RBFOX1: variants seen among roughly 807,000 people sequenced by gnomAD.
The protein encoded by RBFOX1 is RNA binding fox-1 homolog 1, also known as RNA binding protein fox-1 homolog 1.
In RBFOX1, 8 loss-of-function variants were observed where a neutral mutation model predicts 57.7. The observed-to-expected ratio is 0.14, with a 90% confidence interval of 0.08 to 0.25. The LOEUF (loss-of-function observed/expected upper bound fraction) is 0.25. Ranked by LOEUF, RBFOX1 falls within the 10% of genes least tolerant of loss-of-function variation. The pLI is 1.00. For synonymous variants in RBFOX1, 326 were observed against 222.4 expected, an observed-to-expected ratio of 1.47 and a Z score of -4.15; for missense variants, 611 against 548.5, an observed-to-expected ratio of 1.11 and a Z score of -1.14.
intron 3 of RBFOX1, among the ~76,000 whole-genome samples, chr16:7,029,908 C>T (rs139288347): frequency 6.6e-6 from 1 of 152,154 alleles, no homozygotes; most frequent in Non-Finnish European, 1.5e-5. Flanking sequence ...AATGCCATTT[C>T]TTCTCACTAG....
At chr16:5,569,637 A>G (rs2046210891) in intron 2 of RBFOX1, among the ~76,000 whole-genome samples, 1 of 151,744 alleles carries the variant, frequency 6.6e-6, no homozygotes, top group Non-Finnish European at 1.5e-5. Context: ...CCTAAAGTCA[A>G]TTAGATGGTG....
intron 1 of RBFOX1, among the ~76,000 whole-genome samples, chr16:6,204,657 T>A (rs567808526): frequency 6.6e-6 from 1 of 152,282 alleles, no homozygotes; most frequent in South Asian, 2.1e-4. Flanking sequence ...GTCCTTAAAA[T>A]GAGCCATTTA....
At chr16:6,571,904 GATTA>G (rs60244769) in intron 2 of RBFOX1, among the ~76,000 whole-genome samples, 6,762 of 152,186 alleles carry the variant, frequency 0.044, 500 homozygotes, top group African/African-American at 0.15. Flanking sequence ...GGTAACATTT[GATTA>G]ATTACTTTTA....
intron 2 of RBFOX1, among the ~76,000 whole-genome samples, chr16:6,615,599 A>C (rs958834268): frequency 1.3e-5 from 2 of 152,190 alleles, no homozygotes; most frequent in African/African-American, 4.8e-5. Flanking sequence ...TGTCCCAATA[A>C]ATATGGCCAC....
chr16:5,957,127 C>T (rs534038442), intron 4 of RBFOX1, among the ~76,000 whole-genome samples: 2 of 152,322 alleles, frequency 1.3e-5, no homozygotes, highest in South Asian at 2.1e-4. Context: ...TTTACCAGCA[C>T]ACTGTTGGAC....
chr16:6,583,395 A>G (rs1043525812), intron 2 of RBFOX1, among the ~76,000 whole-genome samples: 7 of 152,224 alleles, frequency 4.6e-5, no homozygotes, highest in African/African-American at 1.2e-4. Flanking sequence ...ATACCAGCCA[A>G]TCAACAAATG....
In RBFOX1 at chr16:6,026,132, T is replaced by C. The variant is rs76279160; in HGVS notation, c.-127+6140T>C. Among the ~76,000 whole-genome samples, 32 of 152,296 alleles carry C rather than the reference T, an allele frequency of 2.1e-4. No homozygotes were observed. In the East Asian group the frequency reaches 5.2e-3, roughly 25 times the overall value. ...CTGTTTGCCTGTGTCGATTCTCGTTTTTTACAGCCATCCCAGGGGCATCTT... is the reference window on the plus strand; with the variant it reads ...CTGTTTGCCTGTGTCGATTCTCGTTCTTTACAGCCATCCCAGGGGCATCTT... On this transcript the variant is annotated intron_variant, in intron 1 of 15. Coordinates refer to ENST00000550418, the MANE Select transcript of RBFOX1 (RefSeq NM_018723.4).
chr16:6,136,591 A>G (rs2096669130), intron 1 of RBFOX1, among the ~76,000 whole-genome samples: 1 of 152,206 alleles, frequency 6.6e-6, no homozygotes, highest in Non-Finnish European at 1.5e-5. Flanking sequence ...GTCTAAACTA[A>G]TTTAATGTAA....
intron 3 of RBFOX1, among the ~76,000 whole-genome samples, chr16:6,708,422 A>G (rs1053678193): frequency 6.6e-6 from 1 of 152,104 alleles, no homozygotes; most frequent in African/African-American, 2.4e-5. Context: ...AAATTATAGG[A>G]TTTTGTACCT....
intron 3 of RBFOX1, among the ~76,000 whole-genome samples, chr16:7,024,618 C>T (rs1350267340): frequency 1.3e-5 from 2 of 152,180 alleles, no homozygotes; most frequent in African/African-American, 2.4e-5. Context: ...CGCCACTCCC[C>T]TGCCACCATC....
At chr16:6,627,546 C>T (rs995513898) in intron 2 of RBFOX1, among the ~76,000 whole-genome samples, 1 of 152,074 alleles carries the variant, frequency 6.6e-6, no homozygotes, top group African/African-American at 2.4e-5. Context: ...CTCTAGGTCT[C>T]AAAGGAGGAA....
At chr16:6,812,231 A>G (rs1455605160) in intron 3 of RBFOX1, among the ~76,000 whole-genome samples, 1 of 152,188 alleles carries the variant, frequency 6.6e-6, no homozygotes, top group Non-Finnish European at 1.5e-5. Context: ...TAAGCTCCTC[A>G]CATTTCCTGT....
intron 4 of RBFOX1, among the ~76,000 whole-genome samples, chr16:5,890,249 A>G (rs1428846490): frequency 6.6e-6 from 1 of 152,208 alleles, no homozygotes; most frequent in Admixed American, 6.5e-5. Context: ...TATAACAGGC[A>G]TTAGTAATGC....
At chr16:7,076,783 A>T (rs901037147) in intron 4 of RBFOX1, among the ~76,000 whole-genome samples, 2 of 152,166 alleles carry the variant, frequency 1.3e-5, no homozygotes, top group African/African-American at 4.8e-5. Flanking sequence ...TTCCATTCCA[A>T]TGTCATGGTT....
chr16:7,055,892 G>C (rs750897229), intron 4 of RBFOX1, among the ~76,000 whole-genome samples: 1 of 151,844 alleles, frequency 6.6e-6, no homozygotes, highest in African/African-American at 2.4e-5. Context: ...CATCCTACAT[G>C]TGTGGGCTCA....
chr16:6,072,784 G>A (rs1489074822), intron 1 of RBFOX1, among the ~76,000 whole-genome samples: 4 of 151,944 alleles, frequency 2.6e-5, no homozygotes, highest in African/African-American at 9.7e-5. Context: ...CCACCTCCAT[G>A]TTAAGATCTC....
intron 4 of RBFOX1, among the ~76,000 whole-genome samples, chr16:7,135,595 C>G (rs899713979): frequency 1.3e-5 from 2 of 152,226 alleles, no homozygotes; most frequent in Non-Finnish European, 2.9e-5. Context: ...TTTTGAATCT[C>G]TGAGCATAAA....
At chr16:7,632,757 T>A (rs2061178367) in intron 11 of RBFOX1, among the ~76,000 whole-genome samples, 1 of 152,230 alleles carries the variant, frequency 6.6e-6, no homozygotes, top group South Asian at 2.1e-4. Context: ...TCCAGCATAG[T>A]GCTGATGGAA....
chr16:6,540,136 C>T (rs2096793430), intron 2 of RBFOX1, among the ~76,000 whole-genome samples: 2 of 152,076 alleles, frequency 1.3e-5, no homozygotes, highest in South Asian at 4.1e-4. Flanking sequence ...GCATAATGAC[C>T]TGATTCTGTA....
Sources: gnomAD v4.1 joint callset for allele counts (sites outside exome capture counted in the v4.1 genomes callset) on GRCh38, gnomAD v4.1.1 for gene constraint, MANE v1.5 for transcripts, NCBI Gene and HGNC (gene_info 2026-07-23, HGNC 2026-07-21) for gene names.